The following STAU2 variants were observed in gnomAD, a reference collection of about 807,000 sequenced individuals.
STAU2 encodes the protein double-stranded RNA-binding protein Staufen homolog 2.
A neutral mutation model predicts 65.9 loss-of-function variants in STAU2; 20 were observed. That is an observed-to-expected ratio of 0.30 (90% CI 0.21 to 0.44). The LOEUF is 0.44. Among genes scored for constraint, STAU2 ranks in the 20% least tolerant of loss-of-function variants. The probability of loss-of-function intolerance (pLI) is 1.00; values close to 1 mark genes in which losing one functional copy is unlikely to be tolerated. For missense variants in STAU2, 558 were observed against 683.9 expected (o/e 0.82, Z 2.05); for synonymous variants, 232 against 233.9 (o/e 0.99, Z 0.07).
At chr8:73,596,598 T>A (rs539820867) in intron 10 of STAU2, among the ~76,000 whole-genome samples, 36 of 152,292 alleles carry the variant, frequency 2.4e-4, no homozygotes, top group Non-Finnish European at 5.1e-4. Context: ...GTGTGGTGGC[T>A]TATACCTGTA....
At chr8:73,518,476 T>C (rs1822860314) in intron 13 of STAU2, among the ~76,000 whole-genome samples, 1 of 152,206 alleles carries the variant, frequency 6.6e-6, no homozygotes, top group Admixed American at 6.5e-5. Context: ...GTCATCATAG[T>C]GTGAAAGTGG....
At chr8:73,476,102 T>C (rs1279966980) in intron 13 of STAU2, among the ~76,000 whole-genome samples, 1 of 152,172 alleles carries the variant, frequency 6.6e-6, no homozygotes, top group African/African-American at 2.4e-5. Flanking sequence ...ACTCTTATAT[T>C]GGAAATGATT....
At chr8:73,603,118 C>G (rs1811765666) in intron 10 of STAU2, among the ~76,000 whole-genome samples, 1 of 152,110 alleles carries the variant, frequency 6.6e-6, no homozygotes, top group Non-Finnish European at 1.5e-5. Context: ...GGAGTTTGAG[C>G]TGGCAAATGA....
rs189398714 is a variant in STAU2 at position 73,466,497 on chromosome 8, C to T, written c.1531-43795G>A. Among the ~76,000 whole-genome samples, 6 of 152,234 alleles carry T rather than the reference C, an allele frequency of 3.9e-5. No homozygotes were observed. In the East Asian group the frequency reaches 1.2e-3, roughly 29 times the overall value. On this transcript the variant is annotated intron_variant, in intron 13 of 14. Coordinates refer to ENST00000524300, the MANE Select transcript of STAU2 (RefSeq NM_001164380.2). ...GGAAGAAAAAGGGGGTGGAGGTAAA[C>T]TTAAGCCAGTGTCAAGAGGTTGGCG... is the stretch of plus-strand genomic sequence containing the variant.
At chr8:73,727,431 ATTACC>A (rs1805723186) in intron 3 of STAU2, among the ~76,000 whole-genome samples, 1 of 152,118 alleles carries the variant, frequency 6.6e-6, no homozygotes, top group Non-Finnish European at 1.5e-5. Context: ...TGTCTCATAG[ATTACC>A]TATTGTGGAT....
intron 13 of STAU2, among the ~76,000 whole-genome samples, chr8:73,480,436 A>G (rs909111120): frequency 6.6e-6 from 1 of 152,168 alleles, no homozygotes; most frequent in African/African-American, 2.4e-5. Flanking sequence ...AAGTACAGAC[A>G]TATTAAGATG....
chr8:73,431,724 A>G (rs979609055), intron 13 of STAU2, among the ~76,000 whole-genome samples: 1 of 152,042 alleles, frequency 6.6e-6, no homozygotes, highest in African/African-American at 2.4e-5. Flanking sequence ...TTTCATGCCT[A>G]TTTGTTGGCC....
intron 4 of STAU2, among the ~76,000 whole-genome samples, chr8:73,693,177 A>G (rs1411279573): frequency 6.6e-6 from 1 of 150,960 alleles, no homozygotes; most frequent in Non-Finnish European, 1.5e-5. Flanking sequence ...AAATTTTTTA[A>G]TTTAAAAAAA....
chr8:73,583,478 A>C (rs1204049889), intron 11 of STAU2, among the ~76,000 whole-genome samples: 1 of 152,130 alleles, frequency 6.6e-6, no homozygotes, highest in African/African-American at 2.4e-5. Flanking sequence ...AGTAAATAAT[A>C]ATCATCACCA....
At chr8:73,722,112 A>G (rs1821727341) in intron 3 of STAU2, among the ~76,000 whole-genome samples, 1 of 152,182 alleles carries the variant, frequency 6.6e-6, no homozygotes, top group Non-Finnish European at 1.5e-5. Flanking sequence ...AACTTACCAC[A>G]GTCTATCTTC....
intron 12 of STAU2, among the ~76,000 whole-genome samples, chr8:73,566,597 C>G (rs1284321009): frequency 6.6e-6 from 1 of 152,088 alleles, no homozygotes; most frequent in East Asian, 1.9e-4. Context: ...AATGATATAT[C>G]TAGAAATAAA....
intron 13 of STAU2, among the ~76,000 whole-genome samples, chr8:73,528,849 T>C (rs967488598): frequency 7.2e-5 from 11 of 152,166 alleles, no homozygotes; most frequent in Non-Finnish European, 1.2e-4. Context: ...ATAATGTCCA[T>C]ATATTTTTAT....
intron 3 of STAU2, among the ~76,000 whole-genome samples, chr8:73,722,012 T>C (rs1007463682): frequency 2.0e-5 from 3 of 152,210 alleles, no homozygotes; most frequent in African/African-American, 7.2e-5. Context: ...TTATTTTGTG[T>C]GACTCCATTT....
intron 13 of STAU2, among the ~76,000 whole-genome samples, chr8:73,465,972 C>G (rs1193512847): frequency 6.6e-6 from 1 of 152,176 alleles, no homozygotes; most frequent in Non-Finnish European, 1.5e-5. Flanking sequence ...CACGCCACCA[C>G]GCCCAGCTAA....
At chr8:73,534,457 A>G (rs1011890882) in intron 13 of STAU2, among the ~76,000 whole-genome samples, 8 of 152,212 alleles carry the variant, frequency 5.3e-5, no homozygotes, top group Non-Finnish European at 1.2e-4. Flanking sequence ...TGACATGTAA[A>G]TTATTGTATT....
intron 13 of STAU2, among the ~76,000 whole-genome samples, chr8:73,461,319 A>G (rs976106742): frequency 6.6e-6 from 1 of 152,120 alleles, no homozygotes; most frequent in African/African-American, 2.4e-5. Flanking sequence ...GGAAAACACT[A>G]CAGGCCATCT....
intron 13 of STAU2, among the ~76,000 whole-genome samples, chr8:73,482,105 G>T (rs150121927): frequency 6.6e-6 from 1 of 152,228 alleles, no homozygotes; most frequent in Non-Finnish European, 1.5e-5. Flanking sequence ...CACACTTGGT[G>T]CTTCACACCT....
At chr8:73,705,644 T>C (rs1405846046) in intron 4 of STAU2, among the ~76,000 whole-genome samples, 3 of 152,162 alleles carry the variant, frequency 2.0e-5, no homozygotes, top group African/African-American at 7.2e-5. Context: ...ATAACTCCCA[T>C]TATTATAAGG....
intron 11 of STAU2, among the ~76,000 whole-genome samples, chr8:73,590,334 T>C (rs1174526202): frequency 6.6e-6 from 1 of 151,236 alleles, no homozygotes; most frequent in Non-Finnish European, 1.5e-5. Context: ...TATTAAAGGC[T>C]GAGAGAGGAA....
Sources: allele counts gnomAD v4.1 joint callset (sites outside exome capture counted in the v4.1 genomes callset), GRCh38; gene constraint gnomAD v4.1.1; transcripts MANE v1.5; gene names NCBI Gene and HGNC (gene_info 2026-07-23, HGNC 2026-07-21).